The following DNHD1 variants were observed in gnomAD, a reference collection of about 807,000 sequenced individuals.
DNHD1 encodes dynein heavy chain domain-containing protein 1.
DNHD1 carries 383 observed loss-of-function variants against 458.1 expected under a neutral mutation model. That is an observed-to-expected ratio of 0.84 (90% CI 0.77 to 0.91). The LOEUF is 0.91. Ranked by LOEUF, DNHD1 falls within the 40% of genes least tolerant of loss-of-function variation. DNHD1 has a pLI of 0.00. For missense variants in DNHD1, 5,336 were observed against 5,866.1 expected, an observed-to-expected ratio of 0.91 and a Z score of 2.95; for synonymous variants, 2,203 against 2,376.9, an observed-to-expected ratio of 0.93 and a Z score of 2.13.
chr11:6,571,133 G>A lies in DNHD1; in HGVS notation c.13621G>A (p.Ala4541Thr). 6.2e-7 allele frequency: 1 copy of A among 1,600,720 alleles called. No homozygotes were observed. Among genetic ancestry groups the A allele is most frequent in the East Asian group, 2.2e-5 (1 of 44,684 alleles). ...CCTACCCTTGCCTTGGCGACCTCAT[G>A]CGCCGGCCGGTCCGCAGCCGCCCTG... ...GRLPLPWRPH[A>T]PAGPQPPWHW... The change falls in exon 42 of 43, where the codon GCG becomes ACG. Residue 4541 changes from alanine to threonine, a missense_variant. Ala to Thr is a moderately conservative substitution (Grantham distance 58). This residue lies in a region of DNHD1 where 698 missense variants were observed against 664.9 expected (regional missense o/e 1.05). Coordinates refer to ENST00000254579, the MANE Select transcript of DNHD1 (RefSeq NM_144666.3). This position sits in a 1 kb window ranked among gnomAD's most constrained non-coding sequence, Gnocchi z 5.0.
Position 6,548,099 on chromosome 11 carries a change from A to G in DNHD1, c.6905+59A>G. ...GGGCTGAGATGGACTGGCCCATGGAAGTAAAAACCCACATGACATCACTGT... is the reference window on the plus strand; with the variant it reads ...GGGCTGAGATGGACTGGCCCATGGAGGTAAAAACCCACATGACATCACTGT... On this transcript the variant is annotated intron_variant, in intron 22 of 42. Transcript: ENST00000254579. This position sits in a 1 kb window ranked among gnomAD's most constrained non-coding sequence, Gnocchi z 4.4. 2.6e-6 allele frequency: 4 copies of G among 1,549,304 alleles called. No individual in the cohort carries two copies. The highest frequency in any genetic ancestry group is 3.5e-6 in the Non-Finnish European group (4 of 1,144,858).
intron 7 of DNHD1, among the ~76,000 whole-genome samples, chr11:6,515,449 A>G (rs1852442158): frequency 6.6e-6 from 1 of 152,122 alleles, no homozygotes; most frequent in Non-Finnish European, 1.5e-5. Context: ...TCTCTCTTAT[A>G]TGGAACAGTT....
At position 6,520,220 on chromosome 11, in the gene DNHD1, C is replaced by T. The variant is rs780601353; in HGVS notation, c.1786-18C>T. On this transcript the variant is annotated intron_variant, in intron 9 of 42. Transcript: ENST00000254579. ...TTGCTTTCCCATTTCTGCCCCTTCT[C>T]CATATCCTGGCATGAAGGTAGTGCA... The T allele has an allele frequency of 6.4e-7, 1 of 1,564,254 alleles. No homozygotes were observed.
rs745819954 is a variant in DNHD1 at position 6,567,738 on chromosome 11, A to G, written c.12229A>G (p.Met4077Val). The stretch of plus-strand genomic sequence containing the variant: ...GGATGAAAACACGTATGCTCCCACC[A>G]TGCCCTTTAAACATAGTCAGGCTAC... ...PLDENTYAPT[M>V]PFKHSQATQP... The change falls in exon 36 of 43, where the codon ATG (methionine) becomes GTG (valine). Residue 4077 changes from methionine to valine, a missense_variant. Met to Val is a conservative substitution (Grantham distance 21). Transcript: ENST00000254579. 14 of 1,613,762 alleles carry G rather than the reference A, an allele frequency of 8.7e-6. No homozygotes were observed. In the East Asian group the frequency reaches 2.9e-4, roughly 33 times the overall value.
rs73402935 is a variant in DNHD1, at chr11:6,512,921, T to C, written c.1392+1492T>C. On this transcript the variant is annotated intron_variant, in intron 7 of 42. Transcript: ENST00000254579. Reference sequence around the variant, plus strand: ...CTTCAGTGATATCTTCTTTGGATGTTTTAGAAGAGTGGCTAAAAAAGGAAA... The same window carrying C: ...CTTCAGTGATATCTTCTTTGGATGTCTTAGAAGAGTGGCTAAAAAAGGAAA... Among the ~76,000 whole-genome samples the C allele has an allele frequency of 7.5e-3, 1,147 of 152,270 alleles. 20 individuals carry two copies. The highest frequency in any genetic ancestry group is 0.026 in the African/African-American group (1,096 of 41,562).
intron 14 of DNHD1, among the ~76,000 whole-genome samples, chr11:6,535,496 T>C (rs971951206): frequency 3.3e-5 from 5 of 152,102 alleles, no homozygotes; most frequent in African/African-American, 9.7e-5. Context: ...GAACCTAAAG[T>C]GTCATTTTAT....
intron 7 of DNHD1, among the ~76,000 whole-genome samples, chr11:6,513,966 C>A (rs1852400865): frequency 6.6e-6 from 1 of 152,182 alleles, no homozygotes; most frequent in African/African-American, 2.4e-5. Flanking sequence ...GCCTCAGCCT[C>A]CCAAGTAGCT....
At position 6,511,293 on chromosome 11, in the gene DNHD1, CTG is replaced by C; in HGVS notation, c.1260_1261del (p.Ser421LeufsTer11). The C allele has an allele frequency of 6.2e-7, 1 of 1,614,242 alleles. No individual in the cohort carries two copies. The highest frequency in any genetic ancestry group is 8.5e-7 in the Non-Finnish European group (1 of 1,180,034). On this transcript the variant is annotated frameshift_variant, in exon 7 of 43. Coordinates refer to ENST00000254579, the MANE Select transcript of DNHD1 (RefSeq NM_144666.3). LOFTEE classifies it high-confidence loss of function. The stretch of plus-strand genomic sequence containing the variant: ...TCTAGGCTTCTGCAGGAGCTACACT[CTG>C]TGTCCTGGCTACCCCAGGAACTGGA...
In DNHD1 at chr11:6,571,033, G is replaced by GC; in HGVS notation, c.13522dup (p.Gln4508ProfsTer68). 1.3e-6 allele frequency: 2 copies of GC among 1,585,298 alleles called. No individual in the cohort carries two copies. Among genetic ancestry groups the GC allele is most frequent in the Non-Finnish European group, 1.7e-6 (2 of 1,162,828 alleles). On this transcript the variant is annotated frameshift_variant, in exon 42 of 43. Transcript: ENST00000254579. LOFTEE classifies it high-confidence loss of function. The surrounding 1 kb of genome is among the most constrained non-coding windows in gnomAD (Gnocchi z 5.0). The stretch of plus-strand genomic sequence containing the variant: ...TACAACGCGACCTTGATTGCCTGTT[G>GC]CAGCAGCTGAAGGGCGCACCCCCGT...
rs1426556178 is a variant in DNHD1, at chr11:6,509,159, T to C, written c.1125-3T>C. ...TATATTATCACTGACCTCTAATTTC[T>C]AGTTGGAAGAAGAATGTGAGATTAC... is the stretch of plus-strand genomic sequence containing the variant. On this transcript the variant is annotated splice_polypyrimidine_tract_variant and splice_region_variant and intron_variant, in intron 5 of 42. Transcript: ENST00000254579. 2 of 1,614,160 alleles carry C rather than the reference T, an allele frequency of 1.2e-6. No individual in the cohort carries two copies. Among genetic ancestry groups the C allele is most frequent in the East Asian group, 4.5e-5 (2 of 44,886 alleles).
intron 6 of DNHD1, among the ~76,000 whole-genome samples, chr11:6,510,476 T>C (rs2035961647): frequency 6.6e-6 from 1 of 152,202 alleles, no homozygotes; most frequent in African/African-American, 2.4e-5. Context: ...AGTTTGTAAC[T>C]TCTGCTCTAG....
intron 39 of DNHD1, among the ~76,000 whole-genome samples, chr11:6,569,170 A>G (rs1853781065): frequency 6.6e-6 from 1 of 152,170 alleles, no homozygotes; most frequent in Non-Finnish European, 1.5e-5. Flanking sequence ...AGTAAGGTTC[A>G]TTATAAAGGG....
chr11:6,547,518 C>T lies in DNHD1; in HGVS notation c.6579C>T (p.Leu2193=), dbSNP rs149205672. The T allele has an allele frequency of 3.9e-6, 6 of 1,551,278 alleles. No homozygotes were observed. In the East Asian group the frequency reaches 7.3e-5, roughly 19 times the overall value. Residue 2193 remains leucine (L), a synonymous_variant, in exon 21 of 43, where the codon CTC becomes CTT. Coordinates refer to ENST00000254579, the MANE Select transcript of DNHD1 (RefSeq NM_144666.3). ...TGGTGCCTGCAACATTGCGATTCCT[C>T]ACCTGCCAAGGTGTCAGCTCTCTGC... ...EVLVPATLRF[L]TCQGVSSLLQ... is the part of the protein sequence containing the mutation.
rs778180519 is a variant in DNHD1 at position 6,564,673 on chromosome 11, G to A, written c.10625G>A (p.Arg3542Gln). The A allele has an allele frequency of 7.1e-5, 110 of 1,551,572 alleles. No individual in the cohort carries two copies. The highest frequency in any genetic ancestry group is 2.0e-4 in the Admixed American group (10 of 50,984). Residue 3542 changes from arginine to glutamine, a missense_variant, in exon 32 of 43, where the codon CGA (arginine) becomes CAA (glutamine). Coordinates refer to ENST00000254579, the MANE Select transcript of DNHD1 (RefSeq NM_144666.3). ...GCCCACCTGGCAGGCTTGCTTCTGC[G>A]AAGCCCCACACACTACAGTAGTTGC... The part of the protein sequence containing the change: ...KSAHLAGLLL[R>Q]SPTHYSSCRW...
chr11:6,556,667 T>A lies in DNHD1; in HGVS notation c.7388-16T>A, dbSNP rs897200560. 6.6e-6 allele frequency: 10 copies of A among 1,522,918 alleles called. No individual in the cohort carries two copies. Among genetic ancestry groups the A allele is most frequent in the African/African-American group, 2.8e-5 (2 of 72,226 alleles). The allele number at this position is 1,522,918 out of a possible 1,614,324, so 94.3% of individuals were successfully genotyped here. On this transcript the variant is annotated splice_polypyrimidine_tract_variant and intron_variant, in intron 24 of 42. Coordinates refer to ENST00000254579, the MANE Select transcript of DNHD1 (RefSeq NM_144666.3). ...GACTTTTACATGTCCTCATTATTAT[T>A]CCTCATGTCCCATAGACCCAGAGAA...
chr11:6,565,662 TAAG>T (rs1853678868), intron 32 of DNHD1, 30 bp from the exon 33 acceptor site: 2 of 1,514,800 alleles, frequency 1.3e-6, no homozygotes, highest in Non-Finnish European at 1.8e-6. Context: ...ATTCCTCCCC[TAAG>T]AAGAGCTCCT....
chr11:6,565,911 T>A lies in DNHD1; in HGVS notation c.10973T>A (p.Leu3658His). 6.4e-7 allele frequency: 1 copy of A among 1,551,584 alleles called. No individual in the cohort carries two copies. Among genetic ancestry groups the A allele is most frequent in the Non-Finnish European group, 8.7e-7 (1 of 1,146,962 alleles). The change falls in exon 33 of 43, where the codon CTT becomes CAT. Residue 3658 changes from leucine (L) to histidine (H), a missense_variant. Coordinates refer to ENST00000254579, the MANE Select transcript of DNHD1 (RefSeq NM_144666.3). ...QGSKPAYETQ[L>H]PSLPYLSVLS... ...TCAAAGCCAGCCTATGAGACTCAGC[T>A]TCCATCCCTTCCCTACCTTAGTGTT...
intron 7 of DNHD1, among the ~76,000 whole-genome samples, chr11:6,512,425 T>A (rs1349022831): frequency 6.6e-6 from 1 of 151,702 alleles, no homozygotes; most frequent in Admixed American, 6.6e-5. Context: ...GGTTTCACTG[T>A]GTTAGCCAGG....
chr11:6,503,642 C>T (rs1852180467), intron 4 of DNHD1: 1 of 152,196 alleles, frequency 6.6e-6, no homozygotes, highest in South Asian at 2.1e-4. Flanking sequence ...AATCACCACA[C>T]TCGGCCAGTT....
Sources: gnomAD v4.1 joint callset for allele counts (sites outside exome capture counted in the v4.1 genomes callset) on GRCh38, gnomAD v4.1.1 for gene constraint, gnomAD v4.1.1 regional missense constraint, Gnocchi (gnomAD v3.1) non-coding constraint, MANE v1.5 for transcripts, NCBI Gene and HGNC (gene_info 2026-07-23, HGNC 2026-07-21) for gene names.